TLN2: variants seen among roughly 807,000 people sequenced by gnomAD.
The protein encoded by TLN2 is talin-2.
In TLN2, 118 loss-of-function variants were observed where a neutral mutation model predicts 294.7. That is an observed-to-expected ratio of 0.40 (90% CI 0.34 to 0.47). The LOEUF (loss-of-function observed/expected upper bound fraction) is 0.47. Among genes scored for constraint, TLN2 ranks in the 20% least tolerant of loss-of-function variants. The pLI is 0.84. For missense variants in TLN2, 3,083 were observed against 3,282.2 expected, an observed-to-expected ratio of 0.94 and a Z score of 1.48; for synonymous variants, 1,431 against 1,304.5, an observed-to-expected ratio of 1.10 and a Z score of -2.09.
chr15:62,626,760 A>G (rs1294783870), intron 3 of TLN2, among the ~76,000 whole-genome samples: 1 of 152,148 alleles, frequency 6.6e-6, no homozygotes, highest in Non-Finnish European at 1.5e-5. Context: ...GGGCCCATTT[A>G]TTGCTACTTG....
chr15:62,598,757 A>G (rs956785906), intron 2 of TLN2, among the ~76,000 whole-genome samples: 1 of 151,606 alleles, frequency 6.6e-6, no homozygotes, highest in African/African-American at 2.4e-5. Flanking sequence ...AGGAATGGAG[A>G]GAAAATAGAA....
Position 62,808,555 on chromosome 15 carries a change from G to A in TLN2, c.6664-1370G>A, listed in dbSNP as rs568190145. Among the ~76,000 whole-genome samples, 264 of 152,178 alleles carry A rather than the reference G, an allele frequency of 1.7e-3. 1 individual carries two copies. Among genetic ancestry groups the A allele is most frequent in the Non-Finnish European group, 2.0e-3 (137 of 67,992 alleles). On this transcript the variant is annotated intron_variant, in intron 51 of 58. Transcript: ENST00000636159. Reference sequence around the variant, plus strand: ...ATTGTTCTCCCAAAGGGTTCTACCCGGTTACAGAGCCCCCAGCAGTGCACG... The same window carrying A: ...ATTGTTCTCCCAAAGGGTTCTACCCAGTTACAGAGCCCCCAGCAGTGCACG...
chr15:62,652,678 T>C (rs923551577), intron 6 of TLN2, among the ~76,000 whole-genome samples: 2 of 152,198 alleles, frequency 1.3e-5, no homozygotes, highest in Admixed American at 6.5e-5. Flanking sequence ...CTGCATGACC[T>C]CCTCTGTGGC....
intron 1 of TLN2, among the ~76,000 whole-genome samples, chr15:62,525,629 A>G (rs1470178533): frequency 6.6e-6 from 1 of 152,180 alleles, no homozygotes; most frequent in Non-Finnish European, 1.5e-5. Flanking sequence ...TTTTCTTGTC[A>G]ATGTTGGTTT....
rs374090148 is a variant in TLN2, at chr15:62,835,715, A to G, written c.7129-22A>G. 155 of 1,613,924 alleles carry G rather than the reference A, an allele frequency of 9.6e-5. No homozygotes were observed. The African/African-American group carries it at 1.5e-3, about 16-fold the overall frequency. ...CTGGGGCTGCCTGCCCTCATGGCCA[A>G]TTTCTCGACTCTACTCTCTAGGTGG... is the stretch of plus-strand genomic sequence containing the variant. On this transcript the variant is annotated intron_variant, in intron 55 of 58. Coordinates refer to ENST00000636159, the MANE Select transcript of TLN2 (RefSeq NM_015059.3).
intron 45 of TLN2, among the ~76,000 whole-genome samples, chr15:62,792,102 G>C (rs1330214518): frequency 6.6e-6 from 1 of 152,230 alleles, no homozygotes; most frequent in Admixed American, 6.5e-5. Context: ...TACAGCTGGG[G>C]AAGGGGGTGT....
chr15:62,774,023 G>A (rs1214068200), intron 42 of TLN2, among the ~76,000 whole-genome samples: 4 of 151,054 alleles, frequency 2.6e-5, no homozygotes, highest in African/African-American at 7.3e-5. Flanking sequence ...TCCCCACCCC[G>A]CCCAATTCCC....
intron 11 of TLN2, among the ~76,000 whole-genome samples, chr15:62,676,394 C>T (rs1202798156): frequency 6.6e-6 from 1 of 152,198 alleles, no homozygotes; most frequent in Non-Finnish European, 1.5e-5. Context: ...ATACATCAGT[C>T]ACCTTGTTTT....
intron 9 of TLN2, among the ~76,000 whole-genome samples, chr15:62,666,902 C>T (rs7167388): frequency 0.27 from 41,483 of 152,202 alleles, 6,180 homozygotes; most frequent in East Asian, 0.6. Flanking sequence ...TACAAGATGC[C>T]GGGCCTCACC....
At chr15:62,571,462 C>T (rs1379427720) in intron 1 of TLN2, among the ~76,000 whole-genome samples, 1 of 152,208 alleles carries the variant, frequency 6.6e-6, no homozygotes, top group Non-Finnish European at 1.5e-5. Context: ...TGTCCGTCTA[C>T]CCTTAAAACC....
rs1407244893 is a variant in TLN2, at chr15:62,774,382, G to A, written c.5368-2382G>A. ...CGGAATCTAAAATAACCACCTCATT[G>A]TTGGGCCCACCGATGCCACTTATGA... On this transcript the variant is annotated intron_variant, in intron 42 of 58. Coordinates refer to ENST00000636159, the MANE Select transcript of TLN2 (RefSeq NM_015059.3). Among the ~76,000 whole-genome samples the A allele has an allele frequency of 2.0e-5, 3 of 152,092 alleles. No homozygotes were observed. The East Asian group carries it at 5.8e-4, about 29-fold the overall frequency.
chr15:62,719,078 G>C (rs2059963915), intron 24 of TLN2, among the ~76,000 whole-genome samples: 1 of 152,178 alleles, frequency 6.6e-6, no homozygotes, highest in African/African-American at 2.4e-5. Context: ...TGGCCTCTGA[G>C]AGCCTCATTA....
At chr15:62,689,347 T>C (rs2057578530) in intron 12 of TLN2, among the ~76,000 whole-genome samples, 1 of 152,224 alleles carries the variant, frequency 6.6e-6, no homozygotes, top group Admixed American at 6.5e-5. Flanking sequence ...ACACATAAGA[T>C]GGTTATTTTG....
At position 62,433,596 on chromosome 15, in the gene TLN2, T is replaced by G. The variant is rs940839567; in HGVS notation, c.-238+42911T>G. On this transcript the variant is annotated intron_variant, in intron 1 of 58. Coordinates refer to ENST00000636159, the MANE Select transcript of TLN2 (RefSeq NM_015059.3). The stretch of plus-strand genomic sequence containing the variant: ...TCTGCTCACAGACTGAGTTGTGTTT[T>G]CTGCTTTTGAGTCAAGGTTGTCACT... Among the ~76,000 whole-genome samples, 3 of 152,288 alleles carry G rather than the reference T, an allele frequency of 2.0e-5. No homozygotes were observed. The South Asian group carries it at 6.2e-4, about 32-fold the overall frequency.
chr15:62,704,515 C>A (rs899730537), intron 19 of TLN2, among the ~76,000 whole-genome samples: 12 of 152,170 alleles, frequency 7.9e-5, no homozygotes, highest in Non-Finnish European at 1.6e-4. Flanking sequence ...GAAACTTCAA[C>A]CTTCATCCAT....
intron 1 of TLN2, among the ~76,000 whole-genome samples, chr15:62,406,668 G>A (rs1420563302): frequency 6.6e-6 from 1 of 152,186 alleles, no homozygotes; most frequent in Non-Finnish European, 1.5e-5. Context: ...GTGTTGCCAT[G>A]GCAATGGTAA....
rs77990569 is a variant in TLN2, at chr15:62,526,000, G to A, written c.-237-63687G>A. 6.7e-3 allele frequency among the ~76,000 whole-genome samples: 1,028 copies of A among 152,318 alleles called. 9 individuals are homozygous for A. The highest frequency in any genetic ancestry group is 0.024 in the African/African-American group (980 of 41,556). ...TCAGTTTTGCATTAATGGTGCAGGT[G>A]GGGCAGGAAGGGTGGCTTGGAGTAG... is the stretch of plus-strand genomic sequence containing the variant. On this transcript the variant is annotated intron_variant, in intron 1 of 58. Transcript: ENST00000636159.
intron 2 of TLN2, among the ~76,000 whole-genome samples, chr15:62,594,352 C>T (rs2046313489): frequency 1.3e-5 from 2 of 152,182 alleles, no homozygotes; most frequent in Admixed American, 1.3e-4. Context: ...GTACTACAGG[C>T]ATGTGCCACC....
At chr15:62,584,089 T>C (rs920229129) in intron 1 of TLN2, among the ~76,000 whole-genome samples, 1 of 152,232 alleles carries the variant, frequency 6.6e-6, no homozygotes, top group African/African-American at 2.4e-5. Flanking sequence ...CAAAATGAGC[T>C]TTCAACAATT....
Sources: allele counts gnomAD v4.1 joint callset (sites outside exome capture counted in the v4.1 genomes callset), GRCh38; gene constraint gnomAD v4.1.1; transcripts MANE v1.5; gene names NCBI Gene and HGNC (gene_info 2026-07-23, HGNC 2026-07-21).